Variants in LARGE1 observed in about 807,000 individuals in gnomAD.
LARGE1 encodes xylosyl- and glucuronyltransferase LARGE1.
In LARGE1, 43 loss-of-function variants were observed where a neutral mutation model predicts 87.6. The ratio of observed to expected loss-of-function variants is 0.49; its 90% CI spans 0.38 to 0.63. The LOEUF is 0.63. Ranked by LOEUF, LARGE1 falls within the 30% of genes least tolerant of loss-of-function variation. LARGE1 has a pLI of 0.00. For missense variants in LARGE1, 802 were observed against 1,000.2 expected (o/e 0.80, Z 2.67); for synonymous variants, 434 against 394.6 (o/e 1.10, Z -1.18).
intron 6 of LARGE1, among the ~76,000 whole-genome samples, chr22:33,432,905 C>T (rs1465462724): frequency 4.6e-5 from 7 of 152,182 alleles, no homozygotes; most frequent in African/African-American, 1.7e-4. Context: ...CATATCAATA[C>T]AAGAGTGTTG....
At chr22:33,774,100 G>GA (rs924837686) in intron 1 of LARGE1, among the ~76,000 whole-genome samples, 2 of 151,736 alleles carry the variant, frequency 1.3e-5, no homozygotes, top group Non-Finnish European at 2.9e-5. Flanking sequence ...GGGGCGGATG[G>GA]AAAAAAACTC....
At chr22:33,198,877 G>A (rs947327255) in intron 11 of LARGE1, among the ~76,000 whole-genome samples, 1 of 152,172 alleles carries the variant, frequency 6.6e-6, no homozygotes, top group East Asian at 1.9e-4. Context: ...TAGTGGGATT[G>A]CTGAATTGAA....
At chr22:33,397,149 C>T (rs2009700) in intron 7 of LARGE1, among the ~76,000 whole-genome samples, 47,502 of 151,814 alleles carry the variant, frequency 0.31, 8,225 homozygotes, top group African/African-American at 0.46. Context: ...GAGTTTCGCT[C>T]TTGTTGCCCA....
intron 11 of LARGE1, among the ~76,000 whole-genome samples, chr22:33,314,011 C>T (rs1935882855): frequency 6.6e-6 from 1 of 152,214 alleles, no homozygotes; most frequent in Admixed American, 6.5e-5. Context: ...TCTTTTAACA[C>T]ATATTCCCCT....
At chr22:33,830,100 C>T (rs769908120) in intron 1 of LARGE1, among the ~76,000 whole-genome samples, 7 of 152,228 alleles carry the variant, frequency 4.6e-5, no homozygotes, top group Admixed American at 1.3e-4. Flanking sequence ...TCCTTTGGGC[C>T]GGGTGCCAAC....
At chr22:33,831,346 C>T (rs77600950) in intron 1 of LARGE1, among the ~76,000 whole-genome samples, 12 of 152,162 alleles carry the variant, frequency 7.9e-5, no homozygotes, top group African/African-American at 1.2e-4. Context: ...CTTGCATGTG[C>T]GTGCATACAT....
At chr22:33,387,670 C>T (rs1466611080) in intron 7 of LARGE1, among the ~76,000 whole-genome samples, 1 of 152,064 alleles carries the variant, frequency 6.6e-6, no homozygotes, top group Non-Finnish European at 1.5e-5. Flanking sequence ...TGAGACTTGG[C>T]AGATGTGATT....
chr22:33,603,339 C>T (rs695509), intron 5 of LARGE1, among the ~76,000 whole-genome samples: 41,364 of 152,116 alleles, frequency 0.27, 5,751 homozygotes, highest in South Asian at 0.31. Flanking sequence ...AGCATCAGTG[C>T]ATTTCTGCAA....
intron 12 of LARGE1, among the ~76,000 whole-genome samples, chr22:33,293,338 T>C (rs537084844): frequency 6.6e-6 from 1 of 152,362 alleles, no homozygotes; most frequent in South Asian, 2.1e-4. Context: ...TTGCAACCTA[T>C]GACTTACATA....
At chr22:33,546,177 A>G (rs1193334931) in intron 6 of LARGE1, among the ~76,000 whole-genome samples, 2 of 152,188 alleles carry the variant, frequency 1.3e-5, no homozygotes, top group African/African-American at 4.8e-5. Flanking sequence ...TAAATCCTTC[A>G]TGACCTAGCT....
chr22:33,466,768 G>C (rs1318012866), intron 6 of LARGE1, among the ~76,000 whole-genome samples: 1 of 151,388 alleles, frequency 6.6e-6, no homozygotes, highest in African/African-American at 2.4e-5. Flanking sequence ...ACCAGGCATG[G>C]TGGCTCACGC....
intron 2 of LARGE1, among the ~76,000 whole-genome samples, chr22:33,690,287 G>A (rs2082060035): frequency 6.6e-6 from 1 of 152,216 alleles, no homozygotes; most frequent in East Asian, 1.9e-4. Context: ...AATGTTCTTA[G>A]ACCTCAGTTT....
At chr22:33,919,908 G>T (rs998142228) in intron 1 of LARGE1, 87 bp downstream of exon 1, 1 of 152,316 alleles carries the variant, frequency 6.6e-6, no homozygotes, top group African/African-American at 2.4e-5. Context: ...CCGAGTACAG[G>T]GGGTACCAGC....
At chr22:33,689,097 T>C (rs1358127488) in intron 2 of LARGE1, among the ~76,000 whole-genome samples, 1 of 152,142 alleles carries the variant, frequency 6.6e-6, no homozygotes, top group Non-Finnish European at 1.5e-5. Context: ...CTTCCTACTA[T>C]GCCCATATTT....
At position 33,361,714 on chromosome 22, in the gene LARGE1, C is replaced by T. The variant is rs539286149; in HGVS notation, c.1131+20205G>A. 4.0e-5 allele frequency among the ~76,000 whole-genome samples: 6 copies of T among 149,908 alleles called. 1 individual carries two copies. In the South Asian group the frequency reaches 1.3e-3, roughly 33 times the overall value. On this transcript the variant is annotated intron_variant, in intron 9 of 14. Coordinates refer to ENST00000397394, the MANE Select transcript of LARGE1 (RefSeq NM_133642.5). ...AGATTCAGATTCTGCATCACACTCC[C>T]CAACTGGCTCAGAGTCCCTCCTCTT...
At chr22:33,293,216 T>C (rs1260066508) in intron 12 of LARGE1, among the ~76,000 whole-genome samples, 2 of 152,244 alleles carry the variant, frequency 1.3e-5, no homozygotes, top group Non-Finnish European at 2.9e-5. Context: ...ACTGAATTTC[T>C]CAGCACCTGC....
At chr22:33,703,102 A>G (rs2082447343) in intron 2 of LARGE1, among the ~76,000 whole-genome samples, 1 of 152,186 alleles carries the variant, frequency 6.6e-6, no homozygotes, top group African/African-American at 2.4e-5. Context: ...AAGAAAACCA[A>G]ACATCGCATG....
intron 1 of LARGE1, among the ~76,000 whole-genome samples, chr22:33,894,958 T>C (rs1245762571): frequency 6.6e-6 from 1 of 152,102 alleles, no homozygotes; most frequent in East Asian, 1.9e-4. Context: ...TTTAATGGTT[T>C]AATGGGATAA....
In LARGE1 at chr22:33,495,352, C is replaced by T. The variant is rs144255119; in HGVS notation, c.788-63087G>A. ...CTCCCAAGCCCTTGACTGCCTTGGTCGCCTTATGCAGTGCATGCTATATAG... is the reference window on the plus strand; with the variant it reads ...CTCCCAAGCCCTTGACTGCCTTGGTTGCCTTATGCAGTGCATGCTATATAG... On this transcript the variant is annotated intron_variant, in intron 6 of 14. Coordinates refer to ENST00000397394, the MANE Select transcript of LARGE1 (RefSeq NM_133642.5). Among the ~76,000 whole-genome samples the T allele has an allele frequency of 7.9e-5, 12 of 152,310 alleles. No homozygotes were observed. In the East Asian group the frequency reaches 1.9e-3, roughly 25 times the overall value.
Sources: allele counts gnomAD v4.1 joint callset (sites outside exome capture counted in the v4.1 genomes callset), GRCh38; gene constraint gnomAD v4.1.1; transcripts MANE v1.5; gene names NCBI Gene and HGNC (gene_info 2026-07-23, HGNC 2026-07-21).